The following SPG11 variants were observed in gnomAD, a reference collection of about 807,000 sequenced individuals.
The protein encoded by SPG11 is spatacsin.
A neutral mutation model predicts 274.0 loss-of-function variants in SPG11; 222 were observed. The ratio of observed to expected loss-of-function variants is 0.81; its 90% CI spans 0.73 to 0.91. The LOEUF is 0.91. SPG11 is among the 40% of genes least tolerant of loss of function. SPG11 has a pLI of 0.00. For synonymous variants in SPG11, 1,144 were observed against 1,039.7 expected, an observed-to-expected ratio of 1.10 and a Z score of -1.93; for missense variants, 3,114 against 2,872.7, an observed-to-expected ratio of 1.08 and a Z score of -1.92.
intron 15 of SPG11, among the ~76,000 whole-genome samples, chr15:44,619,143 G>A (rs1352608968): frequency 6.6e-6 from 1 of 152,180 alleles, no homozygotes; most frequent in African/African-American, 2.4e-5. Context: ...ATTTAAATCT[G>A]TAACAAACTG....
intron 7 of SPG11, among the ~76,000 whole-genome samples, chr15:44,642,223 G>A (rs923781901): frequency 2.0e-5 from 3 of 151,732 alleles, no homozygotes; most frequent in African/African-American, 7.3e-5. Flanking sequence ...AAAGTTGCCA[G>A]GTGTGGTGGC....
In SPG11 at chr15:44,604,465, GGCT is replaced by G. The variant is rs1328307866; in HGVS notation, c.3520+1557_3520+1559del. Reference sequence around the variant, plus strand: ...AGACCATAATTTTTTAGCACGTTGGGGCTTAGTGTGGAGACTGCGTATAAGAGA... The same window carrying G: ...AGACCATAATTTTTTAGCACGTTGGGTAGTGTGGAGACTGCGTATAAGAGA... On this transcript the variant is annotated intron_variant, in intron 20 of 39. Coordinates refer to ENST00000261866, the MANE Select transcript of SPG11 (RefSeq NM_025137.4). Among the ~76,000 whole-genome samples the G allele has an allele frequency of 2.0e-5, 3 of 152,062 alleles. No homozygotes were observed. The East Asian group carries it at 5.8e-4, about 29-fold the overall frequency.
intron 4 of SPG11, among the ~76,000 whole-genome samples, chr15:44,654,273 G>T (rs2141113972): frequency 6.6e-6 from 1 of 152,334 alleles, no homozygotes; most frequent in South Asian, 2.1e-4. Context: ...ACTTTGGGAG[G>T]CTGAGGCAGG....
intron 7 of SPG11, among the ~76,000 whole-genome samples, chr15:44,633,981 G>A (rs1032987878): frequency 6.6e-6 from 1 of 152,042 alleles, no homozygotes; most frequent in Non-Finnish European, 1.5e-5. Flanking sequence ...TCGGATTACA[G>A]GTGCCCGCCA....
At chr15:44,663,071 G>A (rs1270432042) in intron 1 of SPG11, among the ~76,000 whole-genome samples, 2 of 152,266 alleles carry the variant, frequency 1.3e-5, no homozygotes, top group African/African-American at 2.4e-5. Context: ...TAATCAACCT[G>A]TGTTGAATAA....
At chr15:44,614,309 T>C (rs937672078) in intron 16 of SPG11, among the ~76,000 whole-genome samples, 7 of 152,104 alleles carry the variant, frequency 4.6e-5, no homozygotes, top group Non-Finnish European at 1.0e-4. Context: ...CACTGCAGCC[T>C]GGACCTCCTA....
rs1345214512 is a variant in SPG11 at position 44,611,997 on chromosome 15, G to C, written c.3146-1012C>G. Reference sequence around the variant, plus strand: ...ATTTTTTTTTTGTATTTTTAGTAGAGACGGGGTTTCCCCGTGTTAGCCAGG... The same window carrying C: ...ATTTTTTTTTTGTATTTTTAGTAGACACGGGGTTTCCCCGTGTTAGCCAGG... On this transcript the variant is annotated intron_variant, in intron 17 of 39. Transcript: ENST00000261866. Among the ~76,000 whole-genome samples, 3 of 152,026 alleles carry C rather than the reference G, an allele frequency of 2.0e-5. No homozygotes were observed. In the East Asian group the frequency reaches 5.8e-4, roughly 29 times the overall value.
intron 1 of SPG11, among the ~76,000 whole-genome samples, chr15:44,660,855 A>G (rs1301999462): frequency 6.6e-6 from 1 of 152,210 alleles, no homozygotes; most frequent in African/African-American, 2.4e-5. Flanking sequence ...TGGGGCTCAG[A>G]GCAAGAAATG....
intron 3 of SPG11, among the ~76,000 whole-genome samples, chr15:44,658,179 A>G (rs1016380320): frequency 6.6e-6 from 1 of 152,222 alleles, no homozygotes. Flanking sequence ...TTAATTTAGG[A>G]TTTATGACAC....
At chr15:44,661,155 G>A (rs548850643) in intron 1 of SPG11, among the ~76,000 whole-genome samples, 1 of 152,240 alleles carries the variant, frequency 6.6e-6, no homozygotes, top group Admixed American at 6.5e-5. Flanking sequence ...GCCACATGCA[G>A]CTACTGAACA....
At chr15:44,600,291 C>T in intron 21 of SPG11, 176 bp downstream of exon 21, 1 of 620,368 alleles carries the variant, frequency 1.6e-6, no homozygotes, top group Non-Finnish European at 2.8e-6. Flanking sequence ...TTTTATTTTA[C>T]TTTTTTTGTT....
Position 44,596,125 on chromosome 15 carries a change from T to C in SPG11, c.4392A>G (p.Lys1464=). ...GAACACTGAGGATAGGGGCCTGTTG[T>C]TTCACTGCTTCAACCAGAAGCCAGT... ...SWHWLLVEAV[K]QQAPILSVLA... Residue 1464 remains lysine, a synonymous_variant, in exon 25 of 40, where the codon AAA becomes AAG. Transcript: ENST00000261866. 1 of 1,613,994 alleles carries C rather than the reference T, an allele frequency of 6.2e-7. No individual in the cohort carries two copies.
Position 44,651,814 on chromosome 15 carries a change from C to T in SPG11, c.1133G>A (p.Ser378Asn). The T allele has an allele frequency of 6.2e-7, 1 of 1,614,156 alleles. No individual in the cohort carries two copies. Among genetic ancestry groups the T allele is most frequent in the Non-Finnish European group, 8.5e-7 (1 of 1,180,038 alleles). ...GAAGGCCCAGCTCTGCACACTTGTA[C>T]TGTGGTTACCAGATTCAGGTGACTC... ...HLESPESGNH[S>N]TSVQSWAFIP... Residue 378 changes from serine to asparagine, a missense_variant, in exon 6 of 40, where the codon AGT becomes AAT. Coordinates refer to ENST00000261866, the MANE Select transcript of SPG11 (RefSeq NM_025137.4).
chr15:44,654,397 A>C (rs2084875517), intron 4 of SPG11, among the ~76,000 whole-genome samples: 1 of 152,014 alleles, frequency 6.6e-6, no homozygotes, highest in Non-Finnish European at 1.5e-5. Flanking sequence ...AATCCCAGCT[A>C]CTTGGGAGGC....
rs981262919 is a variant in SPG11, at chr15:44,573,685, T to C, written c.6067A>G (p.Ile2023Val). ...CGGTCAGGCTGCTGAGAGGCCAAGA[T>C]TTTCCGGAGCATGGCTTCACCATCC... Reference protein sequence around the residue: ...AQDGEAMLRKILASQQPDRCK... With the variant: ...AQDGEAMLRKVLASQQPDRCK... Residue 2023 changes from isoleucine (I) to valine (V), a missense_variant, in exon 32 of 40, where the codon ATC (isoleucine) becomes GTC (valine). Physicochemically the swap from Ile to Val is conservative, Grantham distance 29. Coordinates refer to ENST00000261866, the MANE Select transcript of SPG11 (RefSeq NM_025137.4). 27 of 1,614,160 alleles carry C rather than the reference T, an allele frequency of 1.7e-5. No individual in the cohort carries two copies. Among genetic ancestry groups the C allele is most frequent in the Non-Finnish European group, 2.3e-5 (27 of 1,180,026 alleles).
At chr15:44,616,182 G>A (rs1392114779) in intron 15 of SPG11, among the ~76,000 whole-genome samples, 7 of 150,552 alleles carry the variant, frequency 4.6e-5, no homozygotes, top group Admixed American at 4.6e-4. Context: ...CCACTATCTT[G>A]ACTTTTATGA....
Position 44,589,335 on chromosome 15 carries a change from A to G in SPG11, c.4823T>C (p.Leu1608Pro), listed in dbSNP as rs1485888860. 2 of 1,614,064 alleles carry G rather than the reference A, an allele frequency of 1.2e-6. No homozygotes were observed. The highest frequency in any genetic ancestry group is 2.7e-5 in the African/African-American group (2 of 74,940). ...LEDQVCFLLK[L>P]MLQQCKTQYE... ...CTGGGTCTTACACTGCTGTAGCATA[A>G]GCTTCAAAAGGAAACACACCTGATC... The change falls in exon 28 of 40, where the codon CTT (leucine) becomes CCT (proline). Residue 1608 changes from leucine (L) to proline (P), a missense_variant. Physicochemically the swap from Leu to Pro is moderately conservative, Grantham distance 98. Transcript: ENST00000261866.
chr15:44,573,404 T>A (rs1376844991), intron 32 of SPG11, 143 bp downstream of exon 32: 3 of 847,406 alleles, frequency 3.5e-6, no homozygotes, highest in Middle Eastern at 2.3e-4. Flanking sequence ...TATTTTGTTT[T>A]ATTTAAACAA....
At chr15:44,658,672 G>A (rs544375728) in intron 3 of SPG11, among the ~76,000 whole-genome samples, 1 of 152,154 alleles carries the variant, frequency 6.6e-6, no homozygotes, top group South Asian at 2.1e-4. Flanking sequence ...TATTGGCCAG[G>A]CTGGTCTCGA....
Sources: gnomAD v4.1 joint callset for allele counts (sites outside exome capture counted in the v4.1 genomes callset) on GRCh38, gnomAD v4.1.1 for gene constraint, MANE v1.5 for transcripts, NCBI Gene and HGNC (gene_info 2026-07-23, HGNC 2026-07-21) for gene names.